The following LTBP2 variants were observed in gnomAD, a reference collection of about 807,000 sequenced individuals.
LTBP2 encodes latent-transforming growth factor beta-binding protein 2.
Under a neutral mutation model 210.6 loss-of-function variants are expected in LTBP2, and 103 were observed. The ratio of observed to expected loss-of-function variants is 0.49; its 90% CI spans 0.42 to 0.58. The LOEUF is 0.58. Among genes scored for constraint, LTBP2 ranks in the 20% least tolerant of loss-of-function variants. The pLI, the probability that LTBP2 is intolerant of heterozygous loss-of-function variation, is 0.00. For missense variants in LTBP2, 2,313 were observed against 2,494.5 expected (o/e 0.93, Z 1.55); for synonymous variants, 1,007 against 1,015.0 (o/e 0.99, Z 0.15).
chr14:74,504,981 A>C lies in LTBP2; in HGVS notation c.4369+2T>G. On this transcript the variant is annotated splice_donor_variant, in intron 29 of 35. Coordinates refer to ENST00000261978, the MANE Select transcript of LTBP2 (RefSeq NM_000428.3). LOFTEE classifies it high-confidence loss of function. The stretch of plus-strand genomic sequence containing the variant: ...GAGGATCTGGAACCCTTGGGGTCTT[A>C]CCTGAGTCCTCAGACGGGCAGAGGT... The C allele has an allele frequency of 6.2e-7, 1 of 1,614,180 alleles. No homozygotes were observed. Among genetic ancestry groups the C allele is most frequent in the Non-Finnish European group, 8.5e-7 (1 of 1,180,026 alleles).
In LTBP2 at chr14:74,586,036, G is replaced by T; in HGVS notation, c.648C>A (p.Ala216=). 1 of 1,603,740 alleles carries T rather than the reference G, an allele frequency of 6.2e-7. No individual in the cohort carries two copies. The highest frequency in any genetic ancestry group is 8.5e-7 in the Non-Finnish European group (1 of 1,175,402). ...LCVCRSGFRG[A]RCEEVIPDEE... Reference sequence around the variant, plus strand: ...CATCGGGAATGACCTCCTCGCAGCGGGCTCCACGGAAACCAGAGCGGCAGA... The same window carrying T: ...CATCGGGAATGACCTCCTCGCAGCGTGCTCCACGGAAACCAGAGCGGCAGA... The change falls in exon 3 of 36, where the codon GCC becomes GCA. Residue 216 remains alanine (A), a synonymous_variant. Transcript: ENST00000261978. The surrounding 1 kb of genome is among the most constrained non-coding windows in gnomAD (Gnocchi z 4.6).
rs200471693 is a variant in LTBP2, at chr14:74,552,952, T to G, written c.1132A>C (p.Thr378Pro). 14 of 1,614,036 alleles carry G rather than the reference T, an allele frequency of 8.7e-6. No homozygotes were observed. In the East Asian group the frequency reaches 3.1e-4, roughly 36 times the overall value. Residue 378 changes from threonine (T) to proline (P), a missense_variant, in exon 5 of 36, where the codon ACC becomes CCC. Physicochemically the swap from Thr to Pro is conservative, Grantham distance 38 (BLOSUM62 -1). Transcript: ENST00000261978. Reference sequence around the variant, plus strand: ...CCGCCCTGGCTGTACAGGGTGGTGGTGTCGCCCCTCTCACAGCTGTTGGCA... The same window carrying G: ...CCGCCCTGGCTGTACAGGGTGGTGGGGTCGCCCCTCTCACAGCTGTTGGCA... Reference protein sequence around the residue: ...HCANSCERGDTTTLYSQGGHG... With the variant: ...HCANSCERGDPTTLYSQGGHG...
chr14:74,535,009 G>A (rs1036350281), intron 9 of LTBP2, among the ~76,000 whole-genome samples: 7 of 152,066 alleles, frequency 4.6e-5, no homozygotes, highest in South Asian at 2.1e-4. Flanking sequence ...GAACAGCCCC[G>A]ATGTACCCTC....
chr14:74,523,919 T>C (rs1384904133), intron 15 of LTBP2, among the ~76,000 whole-genome samples: 1 of 152,102 alleles, frequency 6.6e-6, no homozygotes, highest in African/African-American at 2.4e-5. Flanking sequence ...GAATTGAATG[T>C]GCACCCAAGG....
chr14:74,551,132 G>C lies in LTBP2; in HGVS notation c.1618C>G (p.Leu540Val). Residue 540 changes from leucine to valine, a missense_variant, in exon 7 of 36, where the codon CTG becomes GTG. By Grantham distance (32) the Leu-to-Val change is conservative. Coordinates refer to ENST00000261978, the MANE Select transcript of LTBP2 (RefSeq NM_000428.3). ...CGAGGCCTGGGTGCTGCTGGGGGCAGTGGCCGAGGGGGCTCTCCAGACCGA... is the reference window on the plus strand; with the variant it reads ...CGAGGCCTGGGTGCTGCTGGGGGCACTGGCCGAGGGGGCTCTCCAGACCGA... ...PARSGEPPRP[L>V]PPAAPRPRGL... 1 of 1,613,928 alleles carries C rather than the reference G, an allele frequency of 6.2e-7. No individual in the cohort carries two copies. The highest frequency in any genetic ancestry group is 8.5e-7 in the Non-Finnish European group (1 of 1,180,032).
chr14:74,587,761 T>C (rs140812183), intron 2 of LTBP2, among the ~76,000 whole-genome samples: 1 of 152,106 alleles, frequency 6.6e-6, no homozygotes, highest in Non-Finnish European at 1.5e-5. Flanking sequence ...TGAGCTGAAC[T>C]CTCCTTTCTG....
At chr14:74,592,523 C>A (rs2088296734) in intron 2 of LTBP2, among the ~76,000 whole-genome samples, 1 of 151,120 alleles carries the variant, frequency 6.6e-6, no homozygotes, top group Non-Finnish European at 1.5e-5. Context: ...AGTGGGACCC[C>A]ATCTCTACAA....
chr14:74,611,973 G>A lies in LTBP2; in HGVS notation c.-29C>T. 2.0e-6 allele frequency: 3 copies of A among 1,532,022 alleles called. No homozygotes were observed. Among genetic ancestry groups the A allele is most frequent in the Non-Finnish European group, 1.7e-6 (2 of 1,147,986 alleles). 94.9% of individuals were successfully genotyped at this position (1,532,022 alleles called of 1,614,324 possible). A position where few individuals can be genotyped will look rare whatever the true frequency, so the allele number is the denominator to read the frequency against. ...GCGGGGCGGCTGGAGAGTGGTGCGC[G>A]CGGGCACCGCGAAGAGCTTTGTGGT... is the stretch of plus-strand genomic sequence containing the variant. On this transcript the variant is annotated 5_prime_UTR_variant, in exon 1 of 36. Transcript: ENST00000261978.
At chr14:74,594,503 A>C (rs2088328876) in intron 2 of LTBP2, among the ~76,000 whole-genome samples, 2 of 151,984 alleles carry the variant, frequency 1.3e-5, no homozygotes, top group East Asian at 1.9e-4. Context: ...GACCCTATCC[A>C]CTGAGCCACC....
intron 18 of LTBP2, 67 bp downstream of exon 18, chr14:74,516,755 G>A (rs1412222813): frequency 3.9e-6 from 6 of 1,541,188 alleles, no homozygotes; most frequent in Non-Finnish European, 5.3e-6. Context: ...TTGGTGGTGG[G>A]CAGTGCGTAG....
At chr14:74,544,569 C>A (rs1198919710) in intron 8 of LTBP2, among the ~76,000 whole-genome samples, 1 of 152,248 alleles carries the variant, frequency 6.6e-6, no homozygotes, top group Non-Finnish European at 1.5e-5. Flanking sequence ...GCCCCTCATG[C>A]CCCCAGCACC....
intron 4 of LTBP2, 75 bp from the exon 5 acceptor site, chr14:74,553,137 G>T: frequency 7.0e-7 from 1 of 1,438,506 alleles, no homozygotes; most frequent in Non-Finnish European, 9.7e-7. Flanking sequence ...TGGTTAGAAA[G>T]CCCCATGGGA....
In LTBP2 at chr14:74,503,483, C is replaced by T. The variant is rs373256384; in HGVS notation, c.4706G>A (p.Ser1569Asn). 40 of 1,611,818 alleles carry T rather than the reference C, an allele frequency of 2.5e-5. No homozygotes were observed. The highest frequency in any genetic ancestry group is 3.0e-5 in the Non-Finnish European group (35 of 1,179,548). ...LDLSQQRCMN[S>N]TSSTEDLPDH... ...GGCCCACTCACCCGTGCTGCTGGTG[C>T]TGTTCATGCAGCGCTGCTGGCTGAG... The change falls in exon 32 of 36, where the codon AGC becomes AAC. Residue 1569 changes from serine (S) to asparagine (N), a missense_variant. Transcript: ENST00000261978.
chr14:74,581,488 A>G (rs1595290566), intron 3 of LTBP2, among the ~76,000 whole-genome samples: 1 of 152,106 alleles, frequency 6.6e-6, no homozygotes. Context: ...AGATCCAAAC[A>G]TGGAGTCCAC....
rs2087319322 is a variant in LTBP2, at chr14:74,529,204, G to T, written c.1988-82C>A. On this transcript the variant is annotated intron_variant, in intron 10 of 35. Coordinates refer to ENST00000261978, the MANE Select transcript of LTBP2 (RefSeq NM_000428.3). ...AGCTGGGAGGGCAGTGGATGGAGGT[G>T]TGGCTGGCCACATGCACTCAGACTG... is the stretch of plus-strand genomic sequence containing the variant. 1.7e-5 allele frequency: 25 copies of T among 1,499,490 alleles called. 1 individual carries two copies. The South Asian group carries it at 2.9e-4, about 17-fold the overall frequency. The allele number at this position is 1,499,490 out of a possible 1,614,324, so 92.9% of individuals were successfully genotyped here.
Position 74,522,934 on chromosome 14 carries a change from C to A in LTBP2, c.2531-16G>T, listed in dbSNP as rs1469594622. 3 of 1,609,422 alleles carry A rather than the reference C, an allele frequency of 1.9e-6. No homozygotes were observed. Among genetic ancestry groups the A allele is most frequent in the South Asian group, 1.1e-5 (1 of 89,948 alleles). ...CTGTCAATGCCTGTGGGAGACAGAG[C>A]AAAACAGAGGTTATGGCAGGGTGGG... On this transcript the variant is annotated splice_polypyrimidine_tract_variant and intron_variant, in intron 15 of 35. Transcript: ENST00000261978.
intron 33 of LTBP2, 40 bp from the exon 34 acceptor site, chr14:74,502,974 C>T: frequency 6.2e-6 from 10 of 1,605,458 alleles, no homozygotes; most frequent in Non-Finnish European, 8.5e-6. Context: ...GGTTCTAGCT[C>T]CTGCCAGCTA....
chr14:74,611,918 G>T lies in LTBP2; in HGVS notation c.27C>A (p.Ser9Arg), dbSNP rs747573687. 1.3e-6 allele frequency: 2 copies of T among 1,591,458 alleles called. No homozygotes were observed. The highest frequency in any genetic ancestry group is 1.7e-6 in the Non-Finnish European group (2 of 1,172,662). Reference sequence around the variant, plus strand: ...AGGGGTTCCGCAGGGCGCGCCCCGGGCTGCGGGCTTTGGTCCGCGGCCTCA... The same window carrying T: ...AGGGGTTCCGCAGGGCGCGCCCCGGTCTGCGGGCTTTGGTCCGCGGCCTCA... The part of the protein sequence containing the change: MRPRTKAR[S>R]PGRALRNPWR... The change falls in exon 1 of 36, where the codon AGC (serine) becomes AGA (arginine). Residue 9 changes from serine (S) to arginine (R), a missense_variant. By Grantham distance (110) the Ser-to-Arg change is moderately radical. Coordinates refer to ENST00000261978, the MANE Select transcript of LTBP2 (RefSeq NM_000428.3).
intron 17 of LTBP2, among the ~76,000 whole-genome samples, chr14:74,518,087 G>C (rs1194117463): frequency 6.6e-6 from 1 of 152,196 alleles, no homozygotes; most frequent in Admixed American, 6.5e-5. Context: ...CTGGTTTAAT[G>C]CATCACCTTT....
Sources: allele counts gnomAD v4.1 joint callset (sites outside exome capture counted in the v4.1 genomes callset), GRCh38; gene constraint gnomAD v4.1.1; non-coding constraint Gnocchi (gnomAD v3.1); transcripts MANE v1.5; gene names NCBI Gene and HGNC (gene_info 2026-07-23, HGNC 2026-07-21).